MTUS2: variants seen among roughly 807,000 people sequenced by gnomAD.
MTUS2 encodes microtubule associated scaffold protein 2, also known as microtubule-associated tumor suppressor candidate 2.
In MTUS2, 40 loss-of-function variants were observed where a neutral mutation model predicts 114.1. The observed-to-expected ratio is 0.35, with a 90% CI of 0.27 to 0.46. The LOEUF (loss-of-function observed/expected upper bound fraction) is 0.46. Ranked by LOEUF, MTUS2 falls within the 20% of genes least tolerant of loss-of-function variation. The pLI is 1.00. For missense variants in MTUS2, 1,679 were observed against 1,705.4 expected, an observed-to-expected ratio of 0.98 and a Z score of 0.27; for synonymous variants, 688 against 672.0, an observed-to-expected ratio of 1.02 and a Z score of -0.37.
chr13:28,934,424 T>C (rs1593312317), intron 2 of MTUS2, among the ~76,000 whole-genome samples: 1 of 152,238 alleles, frequency 6.6e-6, no homozygotes, highest in African/African-American at 2.4e-5. Flanking sequence ...CTAAAGGCCA[T>C]CTCTGTGGTG....
At chr13:29,283,653 G>A (rs1268254608) in intron 6 of MTUS2, among the ~76,000 whole-genome samples, 1 of 152,182 alleles carries the variant, frequency 6.6e-6, no homozygotes, top group Non-Finnish European at 1.5e-5. Flanking sequence ...TGGTTCAGTA[G>A]GTTTGGTTTG....
chr13:29,091,555 A>G (rs947278079), intron 4 of MTUS2, among the ~76,000 whole-genome samples: 1 of 152,032 alleles, frequency 6.6e-6, no homozygotes, highest in Non-Finnish European at 1.5e-5. Context: ...GTAGGCTTAT[A>G]TCTTCACATG....
chr13:29,164,594 G>T (rs1279146097), intron 5 of MTUS2, among the ~76,000 whole-genome samples: 1 of 152,138 alleles, frequency 6.6e-6, no homozygotes, highest in Non-Finnish European at 1.5e-5. Context: ...CCTTCATCTA[G>T]GGATGATGTA....
rs776955739 is a variant in MTUS2 at position 29,503,131 on chromosome 13, G to A, written c.4035G>A (p.Ser1345=). The change falls in exon 16 of 16, where the codon TCG becomes TCA. Residue 1345 remains serine (S), a synonymous_variant. Coordinates refer to ENST00000612955, the MANE Select transcript of MTUS2 (RefSeq NM_001033602.4). ...TGDPTSPIKL[S]PTSPVYRGSS... ...ACCCGACCAGTCCGATTAAACTCTC[G>A]CCCACATCTCCCGTTTACCGCGGCT... is the stretch of plus-strand genomic sequence containing the variant. The A allele has an allele frequency of 2.5e-6, 4 of 1,614,172 alleles. No homozygotes were observed. Among genetic ancestry groups the A allele is most frequent in the Non-Finnish European group, 3.4e-6 (4 of 1,180,026 alleles).
intron 5 of MTUS2, among the ~76,000 whole-genome samples, chr13:29,144,510 TGAGCCACTGTGGC>T (rs1892352694): frequency 6.6e-6 from 1 of 152,114 alleles, no homozygotes; most frequent in South Asian, 2.1e-4. Context: ...ATTACAGGAA[TGAGCCACTGTGGC>T]CAGCTCAAGA....
intron 4 of MTUS2, among the ~76,000 whole-genome samples, chr13:29,087,665 G>T (rs557583166): frequency 6.6e-6 from 1 of 152,140 alleles, no homozygotes; most frequent in African/African-American, 2.4e-5. Flanking sequence ...GTTGATGCTG[G>T]CCTCATGAAA....
intron 5 of MTUS2, among the ~76,000 whole-genome samples, chr13:29,223,359 G>T (rs1577477): frequency 0.56 from 85,795 of 151,960 alleles, 24,421 homozygotes; most frequent in Admixed American, 0.57. Flanking sequence ...CCTCCTCTTT[G>T]CTGAGAACTG....
At chr13:29,084,602 A>G (rs955134081) in intron 4 of MTUS2, among the ~76,000 whole-genome samples, 4 of 145,236 alleles carry the variant, frequency 2.8e-5, no homozygotes, top group Admixed American at 7.2e-5. Context: ...CAGTGATGCA[A>G]TCTCAGCTCA....
At chr13:29,231,666 A>G (rs1052065051) in intron 5 of MTUS2, among the ~76,000 whole-genome samples, 3 of 152,162 alleles carry the variant, frequency 2.0e-5, no homozygotes, top group Non-Finnish European at 4.4e-5. Flanking sequence ...AGTTCACTTA[A>G]CTCATTATTT....
At chr13:29,454,305 T>C (rs2138754502) in intron 9 of MTUS2, among the ~76,000 whole-genome samples, 1 of 152,306 alleles carries the variant, frequency 6.6e-6, no homozygotes, top group African/African-American at 2.4e-5. Context: ...AGAAAGATGA[T>C]TCCAGGTGAG....
In MTUS2 at chr13:29,025,089, A is replaced by G; in HGVS notation, c.391A>G (p.Ser131Gly). 1 of 1,613,880 alleles carries G rather than the reference A, an allele frequency of 6.2e-7. No individual in the cohort carries two copies. The highest frequency in any genetic ancestry group is 8.5e-7 in the Non-Finnish European group (1 of 1,179,876). The change falls in exon 3 of 16, where the codon AGT (serine) becomes GGT (glycine). Residue 131 changes from serine (S) to glycine (G), a missense_variant. By Grantham distance (56) the Ser-to-Gly change is moderately conservative (BLOSUM62 0). Around this residue, in one of 3 missense-constraint regions of MTUS2, gnomAD observed 843 missense variants for 770.8 expected, o/e 1.09. Transcript: ENST00000612955. ...LQTTRSIQGP[S>G]LSSWRNVMSE... ...GACCACGCGGAGTATTCAGGGACCA[A>G]GTCTGTCGAGTTGGAGGAATGTGAT...
intron 2 of MTUS2, among the ~76,000 whole-genome samples, chr13:29,014,487 G>A (rs1320046029): frequency 6.6e-6 from 1 of 152,212 alleles, no homozygotes; most frequent in Admixed American, 6.5e-5. Context: ...TCTGTGGTGA[G>A]CAGGACTTAC....
chr13:29,311,877 G>C (rs962339278), intron 6 of MTUS2, among the ~76,000 whole-genome samples: 1 of 152,178 alleles, frequency 6.6e-6, no homozygotes, highest in Non-Finnish European at 1.5e-5. Context: ...ACTCACTGGA[G>C]GGAAACTTAG....
chr13:28,918,809 T>C (rs1348594086), intron 2 of MTUS2, among the ~76,000 whole-genome samples: 1 of 152,110 alleles, frequency 6.6e-6, no homozygotes, highest in Admixed American at 6.5e-5. Flanking sequence ...TATGATTTAA[T>C]TTCTTGCTTT....
chr13:29,339,599 G>T, intron 7 of MTUS2: 1 of 157,350 alleles, frequency 6.4e-6, no homozygotes, highest in Non-Finnish European at 1.4e-5. Flanking sequence ...GGGGTGCCGG[G>T]CCTTCCAAAG....
chr13:29,168,020 T>A (rs1459965229), intron 5 of MTUS2, among the ~76,000 whole-genome samples: 1 of 152,210 alleles, frequency 6.6e-6, no homozygotes, highest in Non-Finnish European at 1.5e-5. Context: ...ACTGACATCA[T>A]TTTAAATTAT....
chr13:29,229,435 T>C (rs980903894), intron 5 of MTUS2, among the ~76,000 whole-genome samples: 5 of 152,354 alleles, frequency 3.3e-5, no homozygotes, highest in Admixed American at 3.3e-4. Flanking sequence ...TGCAGATTCC[T>C]TTCCCATTGA....
chr13:29,071,398 A>T (rs1888920021), intron 4 of MTUS2, among the ~76,000 whole-genome samples: 2 of 103,122 alleles, frequency 1.9e-5, no homozygotes, highest in Admixed American at 1.0e-4. Context: ...AAAGATCTCT[A>T]TGTTGCTTGA....
intron 8 of MTUS2, among the ~76,000 whole-genome samples, chr13:29,367,886 T>G (rs77485955): frequency 0.02 from 3,065 of 151,632 alleles, 102 homozygotes; most frequent in African/African-American, 0.071. Flanking sequence ...CAGGGAAAAA[T>G]AAAGCAATGC....
Sources: allele counts gnomAD v4.1 joint callset (sites outside exome capture counted in the v4.1 genomes callset), GRCh38; gene constraint gnomAD v4.1.1; regional missense constraint gnomAD v4.1.1; transcripts MANE v1.5; gene names NCBI Gene and HGNC (gene_info 2026-07-23, HGNC 2026-07-21).